The following RTTN variants were observed in gnomAD, a reference collection of about 807,000 sequenced individuals.
The protein encoded by RTTN is rotatin.
In RTTN, 182 loss-of-function variants were observed where a neutral mutation model predicts 269.2. The observed-to-expected ratio is 0.68, with a 90% confidence interval of 0.60 to 0.76. The LOEUF is 0.76. Among genes scored for constraint, RTTN ranks in the 30% least tolerant of loss-of-function variants. The probability of loss-of-function intolerance (pLI) is 0.00; values close to 1 mark genes in which losing one functional copy is unlikely to be tolerated. For synonymous variants in RTTN, 1,006 were observed against 963.5 expected, an observed-to-expected ratio of 1.04 and a Z score of -0.82; for missense variants, 2,545 against 2,608.6, an observed-to-expected ratio of 0.98 and a Z score of 0.53.
intron 40 of RTTN, among the ~76,000 whole-genome samples, chr18:70,036,223 T>C (rs910571670): frequency 2.6e-5 from 4 of 152,218 alleles, no homozygotes; most frequent in African/African-American, 9.6e-5. Context: ...TAAATCATTC[T>C]ATCATAAAGA....
chr18:70,044,917 TAC>T (rs139591145), intron 40 of RTTN, among the ~76,000 whole-genome samples: 266 of 152,326 alleles, frequency 1.7e-3, no homozygotes, highest in African/African-American at 6.2e-3. Flanking sequence ...ATTTCTGGAC[TAC>T]AGTCAACCAT....
chr18:70,161,372 A>C (rs2060825063), intron 14 of RTTN, among the ~76,000 whole-genome samples: 1 of 152,190 alleles, frequency 6.6e-6, no homozygotes, highest in African/African-American at 2.4e-5. Flanking sequence ...CTTAAATGTA[A>C]GACTTAAAAC....
intron 46 of RTTN, 86 bp downstream of exon 46, chr18:70,017,321 A>G: frequency 1.5e-6 from 2 of 1,299,198 alleles, no homozygotes; most frequent in East Asian, 2.4e-5. Context: ...AAATGCCTAG[A>G]AAATTATTTA....
chr18:70,053,191 C>T (rs1301778044), intron 38 of RTTN: 1 of 152,220 alleles, frequency 6.6e-6, no homozygotes, highest in East Asian at 1.9e-4. Flanking sequence ...TCAAGGAATT[C>T]TCAAGAAAAA....
intron 13 of RTTN, 185 bp from the exon 14 acceptor site, chr18:70,166,373 T>A (rs2060986836): frequency 2.2e-6 from 1 of 448,756 alleles, no homozygotes; most frequent in Non-Finnish European, 3.8e-6. Context: ...GGAGGTTCTG[T>A]CTTAAAGAGT....
At chr18:70,168,261 G>A (rs1188515304) in intron 12 of RTTN, among the ~76,000 whole-genome samples, 2 of 152,052 alleles carry the variant, frequency 1.3e-5, no homozygotes, top group Non-Finnish European at 2.9e-5. Context: ...TTGTATCAAT[G>A]TCTGTCTCTA....
At chr18:70,172,474 T>G (rs1419708713) in intron 11 of RTTN, among the ~76,000 whole-genome samples, 1 of 152,152 alleles carries the variant, frequency 6.6e-6, no homozygotes, top group Non-Finnish European at 1.5e-5. Flanking sequence ...AAATTTAACA[T>G]CAATGAAATA....
chr18:70,204,365 T>C, intron 2 of RTTN, 102 bp from the exon 3 acceptor site: 1 of 1,175,092 alleles, frequency 8.5e-7, no homozygotes, highest in Middle Eastern at 2.2e-4. Context: ...AGATGTTCCT[T>C]TTCTGAAAAA....
intron 28 of RTTN, among the ~76,000 whole-genome samples, chr18:70,101,778 C>T (rs143813151): frequency 6.6e-6 from 1 of 152,142 alleles, no homozygotes; most frequent in Admixed American, 6.5e-5. Context: ...TATATTGTGT[C>T]TTTGTTCTCA....
At chr18:70,086,545 A>G in intron 32 of RTTN, 68 bp downstream of exon 32, 1 of 1,176,188 alleles carries the variant, frequency 8.5e-7, no homozygotes, top group South Asian at 1.3e-5. Flanking sequence ...TATACTACTT[A>G]TACTGAAAAT....
chr18:70,037,138 C>T (rs574123844), intron 40 of RTTN, among the ~76,000 whole-genome samples: 1 of 152,210 alleles, frequency 6.6e-6, no homozygotes, highest in African/African-American at 2.4e-5. Flanking sequence ...TCTTGGCAAG[C>T]CTTGCCACCG....
intron 34 of RTTN, among the ~76,000 whole-genome samples, chr18:70,066,358 A>C (rs114589833): frequency 1.4e-4 from 22 of 152,362 alleles, no homozygotes; most frequent in African/African-American, 5.3e-4. Flanking sequence ...GAAGTATTAA[A>C]AGATTTTTCT....
intron 45 of RTTN, 139 bp downstream of exon 45, chr18:70,020,476 C>G: frequency 1.2e-6 from 1 of 830,170 alleles, no homozygotes; most frequent in Non-Finnish European, 1.9e-6. Flanking sequence ...CAAAGTGAAC[C>G]TCTTAACCCT....
intron 28 of RTTN, among the ~76,000 whole-genome samples, chr18:70,096,100 C>T (rs1054411754): frequency 2.6e-5 from 4 of 151,350 alleles, no homozygotes; most frequent in South Asian, 2.1e-4. Context: ...GCTATTGATA[C>T]TCATGTATGT....
chr18:70,204,221 C>G lies in RTTN; in HGVS notation c.262G>C (p.Glu88Gln). The change falls in exon 3 of 49, where the codon GAG (glutamate) becomes CAG (glutamine). Residue 88 changes from glutamate to glutamine, a missense_variant. Physicochemically the swap from Glu to Gln is conservative, Grantham distance 29. Coordinates refer to ENST00000640769, the MANE Select transcript of RTTN (RefSeq NM_173630.4). ...VQHLVDVGAV[E>Q]FLSKLRSNVE... is the part of the protein sequence containing the mutation. The stretch of plus-strand genomic sequence containing the variant: ...TTAGACCGAAGCTTAGATAAGAACT[C>G]TACTGCACCAACGTCAACCAAATGT... 1.2e-6 allele frequency: 2 copies of G among 1,613,662 alleles called. No homozygotes were observed. The highest frequency in any genetic ancestry group is 1.7e-6 in the Non-Finnish European group (2 of 1,179,930).
At chr18:70,143,828 T>G (rs2060321124) in intron 18 of RTTN, among the ~76,000 whole-genome samples, 1 of 151,688 alleles carries the variant, frequency 6.6e-6, no homozygotes, top group South Asian at 2.1e-4. Context: ...AGATCTAAAA[T>G]AAAGAGTCAT....
Position 70,114,464 on chromosome 18 carries a change from A to T in RTTN, c.3664T>A (p.Phe1222Ile), listed in dbSNP as rs1423054840. The T allele has an allele frequency of 6.2e-7, 1 of 1,612,944 alleles. No homozygotes were observed. The highest frequency in any genetic ancestry group is 1.3e-5 in the African/African-American group (1 of 74,872). The change falls in exon 27 of 49, where the codon TTC becomes ATC. Residue 1222 changes from phenylalanine to isoleucine, a missense_variant. Coordinates refer to ENST00000640769, the MANE Select transcript of RTTN (RefSeq NM_173630.4). ...IALFDTLLLN[F>I]MEVTDRKCSE... Reference sequence around the variant, plus strand: ...TGGTACCTGTCAGTAACTTCCATGAAATTGAGCAGCAAGGTATCAAAAAGA... The same window carrying T: ...TGGTACCTGTCAGTAACTTCCATGATATTGAGCAGCAAGGTATCAAAAAGA...
Position 70,121,644 on chromosome 18 carries a change from A to G in RTTN, c.3440T>C (p.Ile1147Thr). The stretch of plus-strand genomic sequence containing the variant: ...CTTTATTAATTTATTTAAAAAATGT[A>G]TGATATCTATTAGCAGTTTCTCATC... ...TEDEKLLIDI[I>T]HFLNKLIKEQ... The change falls in exon 26 of 49, where the codon ATA becomes ACA. Residue 1147 changes from isoleucine to threonine, a missense_variant. Ile to Thr is a moderately conservative substitution (Grantham distance 89). Transcript: ENST00000640769. 2 of 1,576,170 alleles carry G rather than the reference A, an allele frequency of 1.3e-6. No homozygotes were observed. The highest frequency in any genetic ancestry group is 1.4e-5 in the African/African-American group (1 of 72,370).
At chr18:70,072,484 T>C (rs965210794) in intron 34 of RTTN, among the ~76,000 whole-genome samples, 1 of 152,156 alleles carries the variant, frequency 6.6e-6, no homozygotes, top group African/African-American at 2.4e-5. Flanking sequence ...GAAAATCTAG[T>C]ATTCTAACCT....
Sources: allele counts gnomAD v4.1 joint callset (sites outside exome capture counted in the v4.1 genomes callset), GRCh38; gene constraint gnomAD v4.1.1; transcripts MANE v1.5; gene names NCBI Gene and HGNC (gene_info 2026-07-23, HGNC 2026-07-21).